SLC25A21: variants seen among roughly 807,000 people sequenced by gnomAD.
The protein encoded by SLC25A21 is solute carrier family 25 member 21.
Under a neutral mutation model 43.8 loss-of-function variants are expected in SLC25A21, and 47 were observed. That is an observed-to-expected ratio of 1.07 (90% CI 0.85 to 1.37). The LOEUF is 1.37. SLC25A21 is among the 40% of genes most tolerant of loss of function. The probability of loss-of-function intolerance (pLI) is 0.00; values close to 1 mark genes in which losing one functional copy is unlikely to be tolerated. For missense variants in SLC25A21, 352 were observed against 350.2 expected (o/e 1.00, Z -0.04); for synonymous variants, 131 against 121.3 (o/e 1.08, Z -0.52).
intron 1 of SLC25A21, among the ~76,000 whole-genome samples, chr14:37,056,278 C>G (rs1449593390): frequency 2.0e-5 from 3 of 152,072 alleles, no homozygotes; most frequent in African/African-American, 7.2e-5. Context: ...ATCATAAGGT[C>G]AGGAGATCAA....
chr14:36,822,687 T>C (rs1411938935), intron 2 of SLC25A21, among the ~76,000 whole-genome samples: 1 of 152,182 alleles, frequency 6.6e-6, no homozygotes, highest in Non-Finnish European at 1.5e-5. Flanking sequence ...TTTGAACATG[T>C]TTTTTAACAG....
intron 1 of SLC25A21, among the ~76,000 whole-genome samples, chr14:37,068,010 C>G (rs1962095418): frequency 6.6e-6 from 1 of 152,254 alleles, no homozygotes; most frequent in Non-Finnish European, 1.5e-5. Flanking sequence ...AACAGCAAAG[C>G]TGGATAGTGG....
intron 3 of SLC25A21, among the ~76,000 whole-genome samples, chr14:36,776,055 A>G (rs1886809132): frequency 2.0e-5 from 3 of 148,798 alleles, no homozygotes; most frequent in South Asian, 2.2e-4. Flanking sequence ...CCTCATCCAC[A>G]CTTTCTCATT....
chr14:37,108,963 T>C (rs1962968287), intron 1 of SLC25A21, among the ~76,000 whole-genome samples: 1 of 152,150 alleles, frequency 6.6e-6, no homozygotes, highest in Non-Finnish European at 1.5e-5. Flanking sequence ...AACCTGTTAC[T>C]TTCCTACTCC....
intron 7 of SLC25A21, among the ~76,000 whole-genome samples, chr14:36,688,159 C>G (rs1242242297): frequency 6.6e-6 from 1 of 152,212 alleles, no homozygotes; most frequent in Non-Finnish European, 1.5e-5. Context: ...ATGTCTTTCT[C>G]CATCATATTC....
chr14:37,078,854 T>TC (rs144391282), intron 1 of SLC25A21, among the ~76,000 whole-genome samples: 1 of 151,588 alleles, frequency 6.6e-6, no homozygotes, highest in Non-Finnish European at 1.5e-5. Context: ...TTTTTTTTTT[T>TC]CTCTTTGCAT....
chr14:36,861,812 C>T (rs1468871217), intron 2 of SLC25A21, among the ~76,000 whole-genome samples: 1 of 152,138 alleles, frequency 6.6e-6, no homozygotes, highest in African/African-American at 2.4e-5. Flanking sequence ...TGAAAATAGG[C>T]ATGGTATTAG....
rs1882410827 is a variant in SLC25A21 at position 36,683,953 on chromosome 14, TA to T, written c.786-74del. The T allele has an allele frequency of 8.0e-6, 9 of 1,128,188 alleles. No individual in the cohort carries two copies. In the Middle Eastern group the frequency reaches 1.0e-3, roughly 128 times the overall value. 69.9% of individuals were successfully genotyped at this position (1,128,188 alleles called of 1,614,324 possible). The stretch of plus-strand genomic sequence containing the variant: ...GAGTTGTACCTTAGCTTTATTGAGA[TA>T]GGGACCCAGCATTTAAAAAAATAAA... On this transcript the variant is annotated intron_variant, in intron 8 of 9. Coordinates refer to ENST00000331299, the MANE Select transcript of SLC25A21 (RefSeq NM_030631.4).
At chr14:36,853,797 G>A (rs1307099143) in intron 2 of SLC25A21, among the ~76,000 whole-genome samples, 2 of 152,140 alleles carry the variant, frequency 1.3e-5, no homozygotes, top group African/African-American at 4.8e-5. Context: ...TTTATTTAGA[G>A]GCCTCTGTCC....
chr14:36,776,234 C>CTTTTTTTTTTTT (rs1397904925), intron 3 of SLC25A21, among the ~76,000 whole-genome samples: 13 of 75,752 alleles, frequency 1.7e-4, no homozygotes, highest in African/African-American at 6.3e-4. Context: ...TTCTTTCTTT[C>CTTTTTTTTTTTT]TTTCTTTTTT....
intron 1 of SLC25A21, among the ~76,000 whole-genome samples, chr14:36,954,316 C>G (rs1407453663): frequency 2.0e-5 from 3 of 152,054 alleles, no homozygotes; most frequent in African/African-American, 7.2e-5. Flanking sequence ...ATCCTCCCCC[C>G]ATCCTAGAGA....
chr14:36,911,902 C>T (rs34116014), intron 1 of SLC25A21, among the ~76,000 whole-genome samples: 17,814 of 152,148 alleles, frequency 0.12, 1,659 homozygotes, highest in East Asian at 0.27. Flanking sequence ...CTATAAAGTG[C>T]ATGCTCTTAA....
chr14:37,135,159 C>T (rs1192365673), intron 1 of SLC25A21, among the ~76,000 whole-genome samples: 2 of 152,142 alleles, frequency 1.3e-5, no homozygotes, highest in Non-Finnish European at 2.9e-5. Flanking sequence ...AACTCCTGAC[C>T]TCAAGTGATC....
intron 1 of SLC25A21, among the ~76,000 whole-genome samples, chr14:37,124,376 C>T (rs981167834): frequency 1.3e-5 from 2 of 151,932 alleles, no homozygotes; most frequent in Non-Finnish European, 2.9e-5. Flanking sequence ...CATCCTTTCC[C>T]GAGAATATTT....
intron 1 of SLC25A21, among the ~76,000 whole-genome samples, chr14:36,906,660 C>T (rs1474560292): frequency 6.6e-6 from 1 of 152,016 alleles, no homozygotes; most frequent in Admixed American, 6.6e-5. Flanking sequence ...CATGCGCCAC[C>T]ACACCCAGCT....
intron 1 of SLC25A21, among the ~76,000 whole-genome samples, chr14:37,021,791 A>G (rs1228933248): frequency 6.6e-6 from 1 of 151,970 alleles, no homozygotes; most frequent in Non-Finnish European, 1.5e-5. Context: ...ACTATTGTGC[A>G]TTGATGTAGA....
rs573315198 is a variant in SLC25A21, at chr14:36,695,686, G to A, written c.604-10761C>T. On this transcript the variant is annotated intron_variant, in intron 7 of 9. Coordinates refer to ENST00000331299, the MANE Select transcript of SLC25A21 (RefSeq NM_030631.4). ...CTCTTTGTAGCAATTGCAAATGGGA[G>A]TTCTCTCATGATTTGGCTCTCTGTC... is the stretch of plus-strand genomic sequence containing the variant. Among the ~76,000 whole-genome samples, 3 of 152,322 alleles carry A rather than the reference G, an allele frequency of 2.0e-5. No individual in the cohort carries two copies. In the South Asian group the frequency reaches 6.2e-4, roughly 32 times the overall value.
intron 1 of SLC25A21, among the ~76,000 whole-genome samples, chr14:36,909,652 G>C (rs1891629676): frequency 6.6e-6 from 1 of 152,138 alleles, no homozygotes; most frequent in African/African-American, 2.4e-5. Context: ...AAGCAGAATA[G>C]ACTTGAATGC....
chr14:36,741,588 C>A (rs1288687721), intron 3 of SLC25A21, among the ~76,000 whole-genome samples: 1 of 152,168 alleles, frequency 6.6e-6, no homozygotes, highest in African/African-American at 2.4e-5. Flanking sequence ...AACCATCACA[C>A]TGGGAAAGCC....
Sources: gnomAD v4.1 joint callset for allele counts (sites outside exome capture counted in the v4.1 genomes callset) on GRCh38, gnomAD v4.1.1 for gene constraint, MANE v1.5 for transcripts, NCBI Gene and HGNC (gene_info 2026-07-23, HGNC 2026-07-21) for gene names.